TBC1D32: variants seen among roughly 807,000 people sequenced by gnomAD.
TBC1D32 encodes the protein protein broad-minded.
Under a neutral mutation model 170.3 loss-of-function variants are expected in TBC1D32, and 151 were observed. The observed-to-expected ratio is 0.89, with a 90% confidence interval of 0.78 to 1.01. TBC1D32 has a LOEUF of 1.01. TBC1D32 is among the 50% of genes least tolerant of loss of function. The pLI, the probability that TBC1D32 is intolerant of heterozygous loss-of-function variation, is 0.00. For synonymous variants in TBC1D32, 498 were observed against 488.0 expected (o/e 1.02, Z -0.27); for missense variants, 1,464 against 1,457.1 (o/e 1.00, Z -0.08).
intron 26 of TBC1D32, among the ~76,000 whole-genome samples, chr6:121,117,715 CA>C (rs1562535705): frequency 6.6e-6 from 1 of 150,808 alleles, no homozygotes; most frequent in African/African-American, 2.4e-5. Context: ...AAAACAAAAA[CA>C]AAAAAAAGAG....
chr6:121,297,521 TA>T (rs1805842181), intron 10 of TBC1D32, among the ~76,000 whole-genome samples: 1 of 152,068 alleles, frequency 6.6e-6, no homozygotes, highest in African/African-American at 2.4e-5. Context: ...TTCAAACTGT[TA>T]AAAATTAAAG....
chr6:121,240,837 T>C (rs1001202419), intron 19 of TBC1D32, among the ~76,000 whole-genome samples: 2 of 144,602 alleles, frequency 1.4e-5, no homozygotes, highest in Non-Finnish European at 3.0e-5. Flanking sequence ...ACTATGCCAT[T>C]GTACTCCAGC....
At chr6:121,322,484 A>G (rs183603373) in intron 1 of TBC1D32, among the ~76,000 whole-genome samples, 15 of 152,280 alleles carry the variant, frequency 9.9e-5, no homozygotes, top group Admixed American at 5.2e-4. Flanking sequence ...ACTCGTATAG[A>G]TTGTCTTCTA....
Position 121,303,687 on chromosome 6 carries a change from T to C in TBC1D32, c.1010A>G (p.Gln337Arg). ...VKHNQSHVVS[Q>R]KILDPIYFFA... ...AAAGTAGATCGGATCCAAAATCTTT[T>C]GTGAGACAACATGGCTTTGATTATG... Residue 337 changes from glutamine to arginine, a missense_variant, in exon 9 of 32, where the codon CAA (glutamine) becomes CGA (arginine). Around this residue, in one of 3 missense-constraint regions of TBC1D32, gnomAD observed 1,363 missense variants for 1,338.1 expected, o/e 1.02. Coordinates refer to ENST00000398212, the MANE Select transcript of TBC1D32 (RefSeq NM_152730.6). 1 of 1,597,898 alleles carries C rather than the reference T, an allele frequency of 6.3e-7. No individual in the cohort carries two copies. The highest frequency in any genetic ancestry group is 8.6e-7 in the Non-Finnish European group (1 of 1,169,118).
intron 22 of TBC1D32, among the ~76,000 whole-genome samples, chr6:121,188,537 C>A (rs577231215): frequency 6.6e-6 from 1 of 151,394 alleles, no homozygotes; most frequent in Admixed American, 6.6e-5. Flanking sequence ...CTTCTAAATC[C>A]CTAAAGATAA....
At chr6:121,142,862 T>C (rs576665960) in intron 24 of TBC1D32, among the ~76,000 whole-genome samples, 38 of 152,292 alleles carry the variant, frequency 2.5e-4, no homozygotes, top group African/African-American at 9.1e-4. Context: ...ACTATTTTAC[T>C]ACCTTCCTGT....
intron 12 of TBC1D32, among the ~76,000 whole-genome samples, chr6:121,284,152 G>A (rs898290842): frequency 2.6e-5 from 4 of 151,966 alleles, no homozygotes; most frequent in Non-Finnish European, 4.4e-5. Flanking sequence ...CACTTATTTC[G>A]AACCAATCAC....
intron 26 of TBC1D32, among the ~76,000 whole-genome samples, chr6:121,118,544 CAGT>C (rs1779920209): frequency 6.6e-6 from 1 of 152,120 alleles, no homozygotes; most frequent in Non-Finnish European, 1.5e-5. Context: ...CATACAACAG[CAGT>C]AGAAGAAATT....
chr6:121,329,366 C>A, intron 1 of TBC1D32, among the ~76,000 whole-genome samples: 1 of 152,110 alleles, frequency 6.6e-6, no homozygotes, highest in East Asian at 1.9e-4. Flanking sequence ...AAAAGGCAAG[C>A]GGTCAGGAGC....
rs547097973 is a variant in TBC1D32, at chr6:121,235,055, G to A, written c.2364+4015C>T. 2.6e-5 allele frequency among the ~76,000 whole-genome samples: 4 copies of A among 152,314 alleles called. No homozygotes were observed. In the South Asian group the frequency reaches 6.2e-4, roughly 24 times the overall value. On this transcript the variant is annotated intron_variant, in intron 20 of 31. Coordinates refer to ENST00000398212, the MANE Select transcript of TBC1D32 (RefSeq NM_152730.6). ...GAGTGCCTGCAAAGGGTCTTGTGAT[G>A]TGATCCGTCTTCAGGTCTTGCAGCT...
In TBC1D32 at chr6:121,275,180, A is replaced by G. The variant is rs139565397; in HGVS notation, c.1733+3941T>C. ...GTATGTTTGGTGGGGAAAGCAGGCAAGAGAGATAAATTGTTGTAATGTAAG... is the reference window on the plus strand; with the variant it reads ...GTATGTTTGGTGGGGAAAGCAGGCAGGAGAGATAAATTGTTGTAATGTAAG... On this transcript the variant is annotated intron_variant, in intron 15 of 31. Coordinates refer to ENST00000398212, the MANE Select transcript of TBC1D32 (RefSeq NM_152730.6). 2.1e-3 allele frequency among the ~76,000 whole-genome samples: 315 copies of G among 152,324 alleles called. 1 individual carries two copies. The highest frequency in any genetic ancestry group is 7.3e-3 in the African/African-American group (303 of 41,584).
In TBC1D32 at chr6:121,240,357, ATTT is replaced by A. The variant is rs35946120; in HGVS notation, c.2245+1105_2245+1107del. Among the ~76,000 whole-genome samples the A allele has an allele frequency of 4.4e-3, 331 of 75,288 alleles. 2 individuals carry two copies. Among genetic ancestry groups the A allele is most frequent in the Non-Finnish European group, 6.0e-3 (247 of 41,152 alleles). 49.4% of individuals were successfully genotyped at this position (75,288 alleles called of 152,430 possible). A position where few individuals can be genotyped will look rare whatever the true frequency, so the allele number is the denominator to read the frequency against. ...AAAATTAGTGGTTCAGTTTAGGACAATTTTTTTTTTTTTTTTTTTTTTTTTTTT... is the reference window on the plus strand; with the variant it reads ...AAAATTAGTGGTTCAGTTTAGGACAATTTTTTTTTTTTTTTTTTTTTTTTT... On this transcript the variant is annotated intron_variant, in intron 19 of 31. Coordinates refer to ENST00000398212, the MANE Select transcript of TBC1D32 (RefSeq NM_152730.6).
At chr6:121,326,022 G>T (rs1296242240) in intron 1 of TBC1D32, among the ~76,000 whole-genome samples, 2 of 152,108 alleles carry the variant, frequency 1.3e-5, no homozygotes, top group Non-Finnish European at 2.9e-5. Flanking sequence ...ATGAAAAAAT[G>T]CTCATTATCA....
intron 20 of TBC1D32, among the ~76,000 whole-genome samples, chr6:121,235,015 T>C (rs1280174970): frequency 6.6e-6 from 1 of 152,034 alleles, no homozygotes; most frequent in Non-Finnish European, 1.5e-5. Flanking sequence ...TACCGGGCTC[T>C]GGGCTGGTAG....
intron 3 of TBC1D32, among the ~76,000 whole-genome samples, chr6:121,311,624 A>C (rs1014699768): frequency 6.6e-6 from 1 of 151,812 alleles, no homozygotes; most frequent in Non-Finnish European, 1.5e-5. Flanking sequence ...GCTACTCGGG[A>C]GGCCGAGGCA....
intron 25 of TBC1D32, chr6:121,129,896 A>G (rs971156732): frequency 2.2e-6 from 1 of 451,996 alleles, no homozygotes; most frequent in Non-Finnish European, 4.4e-6. Context: ...ATGGTATCTC[A>G]CACAGGAAAA....
chr6:121,334,378 C>G lies in TBC1D32; in HGVS notation c.53G>C (p.Arg18Pro). The change falls in exon 1 of 32, where the codon CGG becomes CCG. Residue 18 changes from arginine (R) to proline (P), a missense_variant. Around this residue, in one of 3 missense-constraint regions of TBC1D32, gnomAD observed 1,363 missense variants for 1,338.1 expected, o/e 1.02. Transcript: ENST00000398212. ...TTTCTCCTTCACGCTCTGGAACAAC[C>G]GCCTCAGCATCGCCTGCAGCATCGC... ...DQAMLQAMLR[R>P]LFQSVKEKIT... 1 of 1,614,210 alleles carries G rather than the reference C, an allele frequency of 6.2e-7. No homozygotes were observed. Among genetic ancestry groups the G allele is most frequent in the Non-Finnish European group, 8.5e-7 (1 of 1,180,036 alleles).
intron 31 of TBC1D32, among the ~76,000 whole-genome samples, chr6:121,085,461 G>T (rs1293217143): frequency 1.3e-5 from 2 of 150,716 alleles, no homozygotes; most frequent in African/African-American, 4.9e-5. Flanking sequence ...TCCTTCTGGG[G>T]TGTTCAGTAA....
At chr6:121,202,509 A>T (rs894527642) in intron 22 of TBC1D32, among the ~76,000 whole-genome samples, 1 of 151,326 alleles carries the variant, frequency 6.6e-6, no homozygotes, top group Admixed American at 6.6e-5. Context: ...ACAAAATTAT[A>T]AAGTCAATGT....
Sources: gnomAD v4.1 joint callset for allele counts (sites outside exome capture counted in the v4.1 genomes callset) on GRCh38, gnomAD v4.1.1 for gene constraint, gnomAD v4.1.1 regional missense constraint, MANE v1.5 for transcripts, NCBI Gene and HGNC (gene_info 2026-07-23, HGNC 2026-07-21) for gene names.